The following SLC22A23 variants were observed in gnomAD, a reference collection of about 807,000 sequenced individuals.
SLC22A23 encodes ion transporter protein.
Under a neutral mutation model 61.0 loss-of-function variants are expected in SLC22A23, and 26 were observed. That is an observed-to-expected ratio of 0.43 (90% CI 0.31 to 0.59). The LOEUF (loss-of-function observed/expected upper bound fraction) is 0.59, where lower values mean the gene tolerates loss of function less well. Ranked by LOEUF, SLC22A23 falls within the 20% of genes least tolerant of loss-of-function variation. The pLI is 0.11. For missense variants in SLC22A23, 796 were observed against 934.7 expected (o/e 0.85, Z 1.94); for synonymous variants, 430 against 413.9 (o/e 1.04, Z -0.47).
intron 3 of SLC22A23, among the ~76,000 whole-genome samples, chr6:3,383,124 C>A (rs896582536): frequency 6.6e-6 from 1 of 152,118 alleles, no homozygotes; most frequent in Non-Finnish European, 1.5e-5. Flanking sequence ...CATATTCAGA[C>A]AGCAGAGAAA....
intron 3 of SLC22A23, among the ~76,000 whole-genome samples, chr6:3,368,294 C>T (rs1581763834): frequency 6.6e-6 from 1 of 152,230 alleles, no homozygotes; most frequent in East Asian, 1.9e-4. Context: ...CCCTTGCACC[C>T]CATGCTCAAC....
At position 3,328,401 on chromosome 6, in the gene SLC22A23, T is replaced by C. The variant is rs906422297; in HGVS notation, c.914-4399A>G. ...ACAAATTTTCAGGAGGAAAAGCACA[T>C]TGCGCTTCCCAGGGTAGACACTTTA... On this transcript the variant is annotated intron_variant, in intron 3 of 9. Transcript: ENST00000406686. The surrounding 1 kb of genome is among the most constrained non-coding windows in gnomAD (Gnocchi z 5.0). Among the ~76,000 whole-genome samples, 6 of 152,062 alleles carry C rather than the reference T, an allele frequency of 3.9e-5. No homozygotes were observed. The highest frequency in any genetic ancestry group is 1.2e-4 in the African/African-American group (5 of 41,398).
In SLC22A23 at chr6:3,386,095, G is replaced by A. The variant is rs556342218; in HGVS notation, c.913+24093C>T. Among the ~76,000 whole-genome samples, 119 of 152,304 alleles carry A rather than the reference G, an allele frequency of 7.8e-4. 1 individual carries two copies. The highest frequency in any genetic ancestry group is 2.9e-3 in the African/African-American group (119 of 41,554). On this transcript the variant is annotated intron_variant, in intron 3 of 9. Transcript: ENST00000406686. The surrounding 1 kb of genome is among the most constrained non-coding windows in gnomAD (Gnocchi z 4.4). ...TGCCCATTCCTGTGGTCACTGATGA[G>A]GGGACTTCAATCGGCTTGAAGAACT...
intron 3 of SLC22A23, among the ~76,000 whole-genome samples, chr6:3,354,789 A>C (rs1764972139): frequency 6.6e-6 from 1 of 152,230 alleles, no homozygotes; most frequent in Non-Finnish European, 1.5e-5. Context: ...ATGCTGGGCC[A>C]AGTAGCCATG....
rs1442573995 is a variant in SLC22A23, at chr6:3,282,267, A to G, written c.1703+1585T>C. The G allele has an allele frequency of 5.7e-6, 4 of 702,498 alleles. No individual in the cohort carries two copies. In the African/African-American group the frequency reaches 7.0e-5, roughly 12 times the overall value. The allele number at this position is 702,498 out of a possible 1,614,324, so 43.5% of individuals were successfully genotyped here. On this transcript the variant is annotated intron_variant, in intron 9 of 9. Coordinates refer to ENST00000406686, the MANE Select transcript of SLC22A23 (RefSeq NM_015482.2). Reference sequence around the variant, plus strand: ...AGTGAGCCTGCGGTCGGCCTGAGGTATCCTGCAACTGCAAGCACTAAATAA... The same window carrying G: ...AGTGAGCCTGCGGTCGGCCTGAGGTGTCCTGCAACTGCAAGCACTAAATAA...
At chr6:3,303,123 C>A (rs1561882751) in intron 4 of SLC22A23, 1 of 152,104 alleles carries the variant, frequency 6.6e-6, no homozygotes, top group Non-Finnish European at 1.5e-5. Context: ...CATCACTAAT[C>A]ATCAGAAAAC....
At chr6:3,373,433 G>A (rs1473561870) in intron 3 of SLC22A23, among the ~76,000 whole-genome samples, 1 of 152,218 alleles carries the variant, frequency 6.6e-6, no homozygotes, top group African/African-American at 2.4e-5. Context: ...GCTGAGTGCT[G>A]TGGTTCCCAG....
chr6:3,395,836 AT>A (rs1206257412), intron 3 of SLC22A23, among the ~76,000 whole-genome samples: 1 of 152,246 alleles, frequency 6.6e-6, no homozygotes, highest in East Asian at 1.9e-4. Flanking sequence ...TCAGTGGGTA[AT>A]TCTGTTTCAG....
chr6:3,283,764 C>G lies in SLC22A23; in HGVS notation c.1703+88G>C, dbSNP rs1307383158. The G allele has an allele frequency of 2.5e-6, 4 of 1,586,700 alleles. No homozygotes were observed. The East Asian group carries it at 9.2e-5, about 36-fold the overall frequency. ...TCCAGAGCCAGAGACAGAGCTGACG[C>G]TGGTTAATCCCACACCAGCCTGGAG... On this transcript the variant is annotated intron_variant, in intron 9 of 9. Coordinates refer to ENST00000406686, the MANE Select transcript of SLC22A23 (RefSeq NM_015482.2).
intron 3 of SLC22A23, among the ~76,000 whole-genome samples, chr6:3,358,271 G>A (rs1765233485): frequency 6.8e-6 from 1 of 147,538 alleles, no homozygotes; most frequent in South Asian, 2.2e-4. Flanking sequence ...TGACGTGAGC[G>A]CTCCCACGTT....
chr6:3,419,380 G>A (rs1769964745), intron 1 of SLC22A23, among the ~76,000 whole-genome samples: 1 of 152,144 alleles, frequency 6.6e-6, no homozygotes, highest in African/African-American at 2.4e-5. Context: ...GTGTGGGCTG[G>A]GAGGCCAAAA....
rs778100074 is a variant in SLC22A23 at position 3,297,251 on chromosome 6, G to C, written c.1210+840C>G. On this transcript the variant is annotated intron_variant, in intron 5 of 9. Coordinates refer to ENST00000406686, the MANE Select transcript of SLC22A23 (RefSeq NM_015482.2). This position sits in a 1 kb window ranked among gnomAD's most constrained non-coding sequence, Gnocchi z 4.3. ...CATGATCACAAGCATTTCTGGTCAGGGGGGAAAATGAGCATATTCTCTCTT... is the reference window on the plus strand; with the variant it reads ...CATGATCACAAGCATTTCTGGTCAGCGGGGAAAATGAGCATATTCTCTCTT... Among the ~76,000 whole-genome samples, 207 of 152,186 alleles carry C rather than the reference G, an allele frequency of 1.4e-3. No homozygotes were observed. Among genetic ancestry groups the C allele is most frequent in the Non-Finnish European group, 2.4e-3 (165 of 68,034 alleles).
Position 3,285,107 on chromosome 6 carries a change from A to AT in SLC22A23, c.1550_1551insA (p.Gly518TrpfsTer13). On this transcript the variant is annotated frameshift_variant, in exon 8 of 10. Transcript: ENST00000406686. LOFTEE classifies it high-confidence loss of function. ...AGTCTGGGTGCTGGCTGTACTTTCC[A>AT]ATCACTGGACCCGCAGACATGATCG... The AT allele has an allele frequency of 1.2e-6, 2 of 1,613,554 alleles. No homozygotes were observed.
chr6:3,393,349 T>C (rs1239141595), intron 3 of SLC22A23, among the ~76,000 whole-genome samples: 1 of 152,152 alleles, frequency 6.6e-6, no homozygotes, highest in Non-Finnish European at 1.5e-5. Context: ...TCCAATATAA[T>C]AGCCACGAGC....
rs1164643444 is a variant in SLC22A23 at position 3,388,439 on chromosome 6, CT to C, written c.913+21748del. On this transcript the variant is annotated intron_variant, in intron 3 of 9. Transcript: ENST00000406686. ...GCGAGGATGTGGAGAAACTGAAACCCTTGTGGCCTGCTGGTGGGAATGTCAG... is the reference window on the plus strand; with the variant it reads ...GCGAGGATGTGGAGAAACTGAAACCCTGTGGCCTGCTGGTGGGAATGTCAG... Among the ~76,000 whole-genome samples the C allele has an allele frequency of 7.8e-4, 119 of 152,270 alleles. 1 individual carries two copies. Among genetic ancestry groups the C allele is most frequent in the African/African-American group, 2.8e-3 (118 of 41,536 alleles).
chr6:3,382,343 T>C (rs1282342037), intron 3 of SLC22A23, among the ~76,000 whole-genome samples: 1 of 152,258 alleles, frequency 6.6e-6, no homozygotes, highest in Non-Finnish European at 1.5e-5. Context: ...TGTGGCTTTG[T>C]AACGTAGTTT....
Position 3,270,447 on chromosome 6 carries a change from G to C in SLC22A23, c.*2608C>G, listed in dbSNP as rs552404584. 7 of 152,390 alleles carry C rather than the reference G, an allele frequency of 4.6e-5. No individual in the cohort carries two copies. The highest frequency in any genetic ancestry group is 1.4e-4 in the African/African-American group (6 of 41,464). 9.4% of individuals were successfully genotyped at this position (152,390 alleles called of 1,614,324 possible). A position where few individuals can be genotyped will look rare whatever the true frequency, so the allele number is the denominator to read the frequency against. ...TGCTGCTCTGGCAACATTTCATAAA[G>C]GTGTTGCTCAACAGCTTCAGGTATC... On this transcript the variant is annotated 3_prime_UTR_variant, in exon 10 of 10. Transcript: ENST00000406686.
chr6:3,448,295 A>G (rs956486934), intron 1 of SLC22A23, among the ~76,000 whole-genome samples: 3 of 152,026 alleles, frequency 2.0e-5, no homozygotes, highest in African/African-American at 7.2e-5. Context: ...CCTGATCTCC[A>G]CTGTTTGCCA....
At position 3,323,859 on chromosome 6, in the gene SLC22A23, A is replaced by T; in HGVS notation, c.1057T>A (p.Phe353Ile). 4 of 1,614,050 alleles carry T rather than the reference A, an allele frequency of 2.5e-6. No homozygotes were observed. The highest frequency in any genetic ancestry group is 3.4e-6 in the Non-Finnish European group (4 of 1,179,998). The change falls in exon 4 of 10, where the codon TTC becomes ATC. Residue 353 changes from phenylalanine to isoleucine, a missense_variant. Transcript: ENST00000406686. ...GACCAGTAGAGCAGCATGAGCAGGA[A>T]GGGGCAGATGATGAGGGCCTGCAGC... The part of the protein sequence containing the change: ...QVLQALIICP[F>I]LLMLLYWSIF...
Sources: gnomAD v4.1 joint callset for allele counts (sites outside exome capture counted in the v4.1 genomes callset) on GRCh38, gnomAD v4.1.1 for gene constraint, Gnocchi (gnomAD v3.1) non-coding constraint, MANE v1.5 for transcripts, NCBI Gene and HGNC (gene_info 2026-07-23, HGNC 2026-07-21) for gene names.